The following NRG4 variants were observed in gnomAD, a reference collection of about 807,000 sequenced individuals.
NRG4 encodes the protein pro-neuregulin-4, membrane-bound isoform.
In NRG4, 10 loss-of-function variants were observed where a neutral mutation model predicts 15.0. The ratio of observed to expected loss-of-function variants is 0.67; its 90% confidence interval spans 0.41 to 1.13. The LOEUF is 1.13. Among genes scored for constraint, NRG4 ranks in the 50% most tolerant of loss-of-function variants. NRG4 has a pLI of 0.00. For synonymous variants in NRG4, 41 were observed against 50.1 expected (o/e 0.82, Z 0.77); for missense variants, 139 against 140.2 (o/e 0.99, Z 0.04).
chr15:76,025,263 C>T (rs2035278133), intron 5 of NRG4, among the ~76,000 whole-genome samples: 1 of 151,690 alleles, frequency 6.6e-6, no homozygotes, highest in East Asian at 1.9e-4. Context: ...CACGGTGAAA[C>T]CCCGTCTCTA....
intron 5 of NRG4, among the ~76,000 whole-genome samples, chr15:76,031,955 T>A (rs1291890592): frequency 6.6e-6 from 1 of 152,190 alleles, no homozygotes; most frequent in African/African-American, 2.4e-5. Context: ...AATGAGCATA[T>A]GTATGGCATA....
chr15:76,021,054 G>A lies in NRG4; in HGVS notation c.-56-9768C>T, dbSNP rs145280422. On this transcript the variant is annotated intron_variant, in intron 5 of 8. Transcript: ENST00000563910. Reference sequence around the variant, plus strand: ...AGTCAATGTCTGGCTTCTAAGCTTCGAAGGACAGGTTGACTTCTTGTTATA... The same window carrying A: ...AGTCAATGTCTGGCTTCTAAGCTTCAAAGGACAGGTTGACTTCTTGTTATA... 8.7e-3 allele frequency among the ~76,000 whole-genome samples: 1,324 copies of A among 152,260 alleles called. 20 individuals carry two copies. Among genetic ancestry groups the A allele is most frequent in the African/African-American group, 0.03 (1,242 of 41,528 alleles).
chr15:75,978,866 C>T (rs2033481948), intron 3 of NRG4, among the ~76,000 whole-genome samples: 1 of 152,108 alleles, frequency 6.6e-6, no homozygotes, highest in South Asian at 2.1e-4. Context: ...GATTACATGT[C>T]CATTTTTTTC....
intron 4 of NRG4, among the ~76,000 whole-genome samples, chr15:76,040,285 T>TAA (rs1290908651): frequency 6.6e-6 from 1 of 152,126 alleles, no homozygotes; most frequent in Non-Finnish European, 1.5e-5. Flanking sequence ...TGCTGAAGGT[T>TAA]AAAAACAGTT....
chr15:76,013,851 T>C (rs1209845395), upstream of NRG4, among the ~76,000 whole-genome samples: 1 of 152,236 alleles, frequency 6.6e-6, no homozygotes, highest in East Asian at 1.9e-4. Flanking sequence ...CCTTTGGGTA[T>C]ATACCCAGTA....
intron 5 of NRG4, among the ~76,000 whole-genome samples, chr15:76,020,200 CCT>C (rs1482072190): frequency 6.6e-6 from 1 of 152,132 alleles, no homozygotes; most frequent in Non-Finnish European, 1.5e-5. Context: ...TCTCCTCTGG[CCT>C]CTCTATTCCC....
intron 5 of NRG4, among the ~76,000 whole-genome samples, chr15:75,945,065 A>G (rs2031404814): frequency 1.3e-5 from 2 of 152,096 alleles, no homozygotes; most frequent in Non-Finnish European, 2.9e-5. Flanking sequence ...AAAAGAAAAA[A>G]ATCAAGAGGC....
chr15:76,001,645 ATGGG>A (rs1478931989), intron 3 of NRG4, among the ~76,000 whole-genome samples: 21 of 152,228 alleles, frequency 1.4e-4, no homozygotes, highest in Non-Finnish European at 2.8e-4. Flanking sequence ...TCTACTAAGA[ATGGG>A]AGGTTAAAAT....
rs2032908400 is a variant in NRG4 at position 75,968,125 on chromosome 15, AC to A, written c.105-6152del. Among the ~76,000 whole-genome samples, 7 of 152,310 alleles carry A rather than the reference AC, an allele frequency of 4.6e-5. No homozygotes were observed. In the South Asian group the frequency reaches 1.2e-3, roughly 27 times the overall value. ...CCAATGGAGACTTTTTGGGAAAAAC[AC>A]CCATAGAATGCTGGTTGGGTCATGA... On this transcript the variant is annotated intron_variant, in intron 3 of 5. Transcript: ENST00000394907.
At chr15:75,958,963 A>C (rs994782507) in intron 4 of NRG4, 1 of 186,790 alleles carries the variant, frequency 5.4e-6, no homozygotes, top group Non-Finnish European at 1.1e-5. Flanking sequence ...ACAATATTAA[A>C]GTTCCATTAA....
At position 75,988,905 on chromosome 15, in the gene NRG4, G is replaced by A. The variant is rs189563910; in HGVS notation, c.104+20295C>T. The stretch of plus-strand genomic sequence containing the variant: ...CAAGGTCTCACTCTGTGCCCAGGCC[G>A]GAGTGGCAGTGGTGTCATCATAACT... On this transcript the variant is annotated intron_variant, in intron 3 of 5. Coordinates refer to ENST00000394907, the MANE Select transcript of NRG4 (RefSeq NM_138573.4). 6.0e-3 allele frequency among the ~76,000 whole-genome samples: 863 copies of A among 142,722 alleles called. 6 individuals are homozygous for A. The highest frequency in any genetic ancestry group is 7.2e-3 in the Non-Finnish European group (479 of 66,302). 93.6% of individuals were successfully genotyped at this position (142,722 alleles called of 152,430 possible).
At chr15:75,980,910 AGAAG>A (rs1169404895) in intron 3 of NRG4, among the ~76,000 whole-genome samples, 18 of 152,204 alleles carry the variant, frequency 1.2e-4, no homozygotes, top group African/African-American at 3.4e-4. Flanking sequence ...GTAAATAGAA[AGAAG>A]GAATTAATAA....
Position 76,042,559 on chromosome 15 carries a change from A to C in NRG4, c.-104-6568T>G, listed in dbSNP as rs115383687. ...ATGCCAATAAATTGAAAAGCCAAGAAGAAATGGATAAATTCCTAGACATAT... is the reference window on the plus strand; with the variant it reads ...ATGCCAATAAATTGAAAAGCCAAGACGAAATGGATAAATTCCTAGACATAT... On this transcript the variant is annotated intron_variant, in intron 4 of 8. Transcript: ENST00000563910. Among the ~76,000 whole-genome samples, 1,117 of 152,256 alleles carry C rather than the reference A, an allele frequency of 7.3e-3. 13 individuals are homozygous for C. The highest frequency in any genetic ancestry group is 0.025 in the African/African-American group (1,051 of 41,562).
At position 75,977,650 on chromosome 15, in the gene NRG4, T is replaced by C. The variant is rs2460804; in HGVS notation, c.105-15676A>G. Among the ~76,000 whole-genome samples the C allele has an allele frequency of 0.016, 2,500 of 152,052 alleles. 66 individuals are homozygous for C. The highest frequency in any genetic ancestry group is 0.056 in the African/African-American group (2,335 of 41,458). ...CACCCTCTGTGGGCTGCATCGACTGTCTAACCAGTCCCAGTGAGATAAGCC... is the reference window on the plus strand; with the variant it reads ...CACCCTCTGTGGGCTGCATCGACTGCCTAACCAGTCCCAGTGAGATAAGCC... On this transcript the variant is annotated intron_variant, in intron 3 of 5. Coordinates refer to ENST00000394907, the MANE Select transcript of NRG4 (RefSeq NM_138573.4). The surrounding 1 kb of genome is among the most constrained non-coding windows in gnomAD (Gnocchi z 4.9).
At chr15:75,943,739 C>T (rs2031237226) in intron 5 of NRG4, 85 bp from the exon 6 acceptor site, 1 of 860,954 alleles carries the variant, frequency 1.2e-6, no homozygotes, top group Non-Finnish European at 1.9e-6. Flanking sequence ...CTCTTATCTT[C>T]TTCACATATA....
intron 3 of NRG4, among the ~76,000 whole-genome samples, chr15:76,004,002 TATC>T (rs1459042339): frequency 3.3e-5 from 5 of 152,234 alleles, no homozygotes; most frequent in African/African-American, 1.2e-4. Flanking sequence ...AAGCTAGTAT[TATC>T]ATAAAAATAG....
At chr15:76,008,279 A>G (rs181187689) in intron 3 of NRG4, among the ~76,000 whole-genome samples, 5 of 152,290 alleles carry the variant, frequency 3.3e-5, no homozygotes, top group Admixed American at 2.0e-4. Context: ...ACTATTCCCC[A>G]TATGAGAAGC....
chr15:75,976,438 G>A (rs1405570034), intron 3 of NRG4, among the ~76,000 whole-genome samples: 2 of 152,178 alleles, frequency 1.3e-5, no homozygotes, highest in African/African-American at 4.8e-5. Flanking sequence ...GGAATTTTCA[G>A]CCTTTTTGCA....
chr15:75,974,949 G>A (rs2033297605), intron 3 of NRG4, among the ~76,000 whole-genome samples: 1 of 151,998 alleles, frequency 6.6e-6, no homozygotes, highest in African/African-American at 2.4e-5. Context: ...TGACAGTGGG[G>A]TGTTAAAGTC....
Sources: allele counts gnomAD v4.1 joint callset (sites outside exome capture counted in the v4.1 genomes callset), GRCh38; gene constraint gnomAD v4.1.1; non-coding constraint Gnocchi (gnomAD v3.1); transcripts MANE v1.5; gene names NCBI Gene and HGNC (gene_info 2026-07-23, HGNC 2026-07-21).